Variants in DPH6 observed in about 807,000 individuals in gnomAD.
DPH6 encodes the protein diphthamine biosynthesis 6.
In DPH6, 33 loss-of-function variants were observed where a neutral mutation model predicts 38.2. The ratio of observed to expected loss-of-function variants is 0.86; its 90% CI spans 0.65 to 1.15. The LOEUF is 1.15. Ranked by LOEUF, DPH6 falls within the 50% of genes most tolerant of loss-of-function variation. DPH6 has a pLI of 0.00. For synonymous variants in DPH6, 108 were observed against 103.0 expected, an observed-to-expected ratio of 1.05 and a Z score of -0.30; for missense variants, 325 against 320.0, an observed-to-expected ratio of 1.02 and a Z score of -0.12.
intron 3 of DPH6, among the ~76,000 whole-genome samples, chr15:35,312,549 T>C (rs914491535): frequency 6.6e-6 from 1 of 152,096 alleles, no homozygotes; most frequent in African/African-American, 2.4e-5. Context: ...AACAGATTCA[T>C]GGAGAGAAGT....
chr15:35,246,809 A>C (rs562668372), intron 3 of DPH6, among the ~76,000 whole-genome samples: 44 of 152,294 alleles, frequency 2.9e-4, no homozygotes, highest in African/African-American at 1.1e-3. Flanking sequence ...GAAAATGTTT[A>C]AGCCTGGATT....
intron 3 of DPH6, among the ~76,000 whole-genome samples, chr15:35,254,622 G>A (rs1457213208): frequency 6.6e-6 from 1 of 152,172 alleles, no homozygotes; most frequent in East Asian, 1.9e-4. Context: ...CACTTTGGAA[G>A]CATCACTGGT....
rs1555391171 is a variant in DPH6 at position 35,285,872 on chromosome 15, G to GTTTTTTTGT, written n.201-65291_201-65290insACAAAAAAA. ...GACTCAATTATCATTTTATCTTTGA[G>GTTTTTTTGT]TTTTTTTTTTTTTTTTTACCTGAGA... On this transcript the variant is annotated intron_variant and non_coding_transcript_variant, in intron 3 of 3. Transcript: ENST00000560386. Among the ~76,000 whole-genome samples, 2 of 52,794 alleles carry GTTTTTTTGT rather than the reference G, an allele frequency of 3.8e-5. 1 individual carries two copies. Among genetic ancestry groups the GTTTTTTTGT allele is most frequent in the Non-Finnish European group, 6.5e-5 (2 of 30,542 alleles). 34.6% of individuals were successfully genotyped at this position (52,794 alleles called of 152,430 possible).
At chr15:35,270,169 T>C (rs111337303) in intron 3 of DPH6, among the ~76,000 whole-genome samples, 1,658 of 152,280 alleles carry the variant, frequency 0.011, 18 homozygotes, top group Non-Finnish European at 0.017. Flanking sequence ...AGTTGAACTA[T>C]TGTCTGTTAG....
intron 5 of DPH6, among the ~76,000 whole-genome samples, chr15:35,447,522 T>C (rs114126883): frequency 0.011 from 1,738 of 152,214 alleles, 24 homozygotes; most frequent in African/African-American, 0.04. Context: ...GGTTGTATTA[T>C]AAACCCACAG....
rs138514724 is a variant in DPH6, at chr15:35,464,238, G to A, written c.313-9418C>T. ...GAACCAGGGAGTCAGAGGTTGCAGT[G>A]AGCCGAGATCGTGCTACAGTACTCC... On this transcript the variant is annotated intron_variant, in intron 3 of 8. Coordinates refer to ENST00000256538, the MANE Select transcript of DPH6 (RefSeq NM_080650.4). Among the ~76,000 whole-genome samples the A allele has an allele frequency of 6.6e-3, 1,004 of 151,376 alleles. 19 individuals are homozygous for A. Among genetic ancestry groups the A allele is most frequent in the African/African-American group, 0.023 (958 of 41,114 alleles).
chr15:35,291,686 G>C (rs925450274), intron 3 of DPH6, among the ~76,000 whole-genome samples: 4 of 152,094 alleles, frequency 2.6e-5, no homozygotes, highest in African/African-American at 9.7e-5. Context: ...CAGAATCTCA[G>C]CTACAAAAGA....
chr15:35,261,338 T>C (rs965782826), intron 3 of DPH6, among the ~76,000 whole-genome samples: 1 of 152,212 alleles, frequency 6.6e-6, no homozygotes, highest in African/African-American at 2.4e-5. Context: ...TTTGTTAGCA[T>C]TAAGGGTTTT....
chr15:35,268,977 A>G (rs2051803131), intron 3 of DPH6, among the ~76,000 whole-genome samples: 1 of 152,146 alleles, frequency 6.6e-6, no homozygotes, highest in Non-Finnish European at 1.5e-5. Flanking sequence ...CAACATGAAA[A>G]TCACCTTTTT....
chr15:35,384,719 T>C (rs1268956696), intron 6 of DPH6, among the ~76,000 whole-genome samples: 3 of 152,028 alleles, frequency 2.0e-5, no homozygotes, highest in Admixed American at 6.5e-5. Context: ...ACTGGCATAG[T>C]TGTTACCACC....
chr15:35,257,262 G>A (rs2051714792), intron 3 of DPH6, among the ~76,000 whole-genome samples: 2 of 152,128 alleles, frequency 1.3e-5, no homozygotes, highest in Admixed American at 6.5e-5. Flanking sequence ...ACATCTCTGG[G>A]AAAAATTTAT....
intron 5 of DPH6, among the ~76,000 whole-genome samples, chr15:35,420,557 C>T (rs1275545757): frequency 1.3e-5 from 2 of 152,092 alleles, no homozygotes; most frequent in African/African-American, 4.8e-5. Flanking sequence ...CGCTCTGTTG[C>T]CCGGGCTGGA....
At chr15:35,380,026 T>C (rs1488793872) in intron 7 of DPH6, among the ~76,000 whole-genome samples, 1 of 152,210 alleles carries the variant, frequency 6.6e-6, no homozygotes, top group Non-Finnish European at 1.5e-5. Flanking sequence ...AAGAATATGC[T>C]TAAGCATCAG....
In DPH6 at chr15:35,245,278, G is replaced by A. The variant is rs531111692; in HGVS notation, n.201-24696C>T. Among the ~76,000 whole-genome samples the A allele has an allele frequency of 4.9e-4, 56 of 113,388 alleles. No homozygotes were observed. The East Asian group carries it at 7.5e-3, about 15-fold the overall frequency. The allele number at this position is 113,388 out of a possible 152,430, so 74.4% of individuals were successfully genotyped here. ...TTTTGAGATGGAGTCTTGCACTCTC[G>A]CCCAGGCTGGAGTGCAGTGGTGCCA... is the stretch of plus-strand genomic sequence containing the variant. On this transcript the variant is annotated intron_variant and non_coding_transcript_variant, in intron 3 of 3. Coordinates refer to the DPH6 transcript ENST00000560386.
chr15:35,502,846 T>C lies in DPH6; in HGVS notation c.312+35428A>G, dbSNP rs536734510. On this transcript the variant is annotated intron_variant, in intron 3 of 8. Transcript: ENST00000256538. ...CTTAGCACAATTATTAATACTAGAG[T>C]GGGAGGACTATTGGATTCTATGTAT... Among the ~76,000 whole-genome samples, 7 of 149,986 alleles carry C rather than the reference T, an allele frequency of 4.7e-5. No homozygotes were observed. The East Asian group carries it at 1.4e-3, about 29-fold the overall frequency.
intron 3 of DPH6, among the ~76,000 whole-genome samples, chr15:35,517,819 G>C (rs1439672384): frequency 2.0e-5 from 3 of 152,018 alleles, no homozygotes; most frequent in Non-Finnish European, 4.4e-5. Flanking sequence ...CAGGTCATTT[G>C]AAGTGTCTGA....
chr15:35,537,880 A>C (rs1443814), intron 3 of DPH6, among the ~76,000 whole-genome samples: 95,196 of 151,998 alleles, frequency 0.63, 33,756 homozygotes, highest in East Asian at 0.84. Context: ...CTCCATTAGA[A>C]TAAGCCTTTA....
At chr15:35,302,329 T>C (rs1028344521) in intron 3 of DPH6, among the ~76,000 whole-genome samples, 38 of 152,244 alleles carry the variant, frequency 2.5e-4, no homozygotes, top group African/African-American at 8.7e-4. Flanking sequence ...TGTTTCTTTA[T>C]TGTAGTAGAT....
At chr15:35,529,154 C>G (rs1337049655) in intron 3 of DPH6, among the ~76,000 whole-genome samples, 1 of 152,152 alleles carries the variant, frequency 6.6e-6, no homozygotes, top group Non-Finnish European at 1.5e-5. Flanking sequence ...TTAGTCTGTT[C>G]TCGCACTGCT....
Sources: gnomAD v4.1 joint callset for allele counts (sites outside exome capture counted in the v4.1 genomes callset) on GRCh38, gnomAD v4.1.1 for gene constraint, MANE v1.5 for transcripts, NCBI Gene and HGNC (gene_info 2026-07-23, HGNC 2026-07-21) for gene names.